Variants in WDR25 observed in about 807,000 individuals in gnomAD.
The protein encoded by WDR25 is WD repeat-containing protein 25.
WDR25 carries 35 observed loss-of-function variants against 47.7 expected under a neutral mutation model. The ratio of observed to expected loss-of-function variants is 0.73; its 90% CI spans 0.56 to 0.97. The LOEUF is 0.97. Among genes scored for constraint, WDR25 ranks in the 50% least tolerant of loss-of-function variants. The pLI is 0.00. For missense variants in WDR25, 634 were observed against 704.7 expected, an observed-to-expected ratio of 0.90 and a Z score of 1.14; for synonymous variants, 248 against 278.9, an observed-to-expected ratio of 0.89 and a Z score of 1.10.
At position 100,425,807 on chromosome 14, in the gene WDR25, G is replaced by T. The variant is rs1331993804; in HGVS notation, c.823-42214G>T. On this transcript the variant is annotated intron_variant, in intron 2 of 6. Transcript: ENST00000402312. The surrounding 1 kb of genome is among the most constrained non-coding windows in gnomAD (Gnocchi z 4.8). ...TCTGGCATGTGATGACCTAGGGACA[G>T]AATTAAAGCAATTTCAGCTTGGTTT... Among the ~76,000 whole-genome samples, 1 of 152,232 alleles carries T rather than the reference G, an allele frequency of 6.6e-6. No homozygotes were observed. The highest frequency in any genetic ancestry group is 1.5e-5 in the Non-Finnish European group (1 of 68,040).
chr14:100,516,447 TAAAG>T (rs371202673), intron 4 of WDR25, among the ~76,000 whole-genome samples: 221 of 152,372 alleles, frequency 1.5e-3, no homozygotes, highest in African/African-American at 5.0e-3. Context: ...TTACTTATTA[TAAAG>T]AAAGGAGTGT....
At chr14:100,397,489 G>A (rs986089165) in intron 2 of WDR25, among the ~76,000 whole-genome samples, 2 of 152,204 alleles carry the variant, frequency 1.3e-5, no homozygotes, top group African/African-American at 4.8e-5. Flanking sequence ...ATGGGAGTGT[G>A]ATACAGAGAT....
chr14:100,527,501 C>G (rs1285564619), intron 5 of WDR25, among the ~76,000 whole-genome samples: 1 of 152,240 alleles, frequency 6.6e-6, no homozygotes, highest in African/African-American at 2.4e-5. Flanking sequence ...TCCTCCCTGC[C>G]TTTTCCTTGT....
Position 100,502,816 on chromosome 14 carries a change from A to T in WDR25, c.1101+18692A>T, listed in dbSNP as rs965637063. Among the ~76,000 whole-genome samples, 1 of 152,158 alleles carries T rather than the reference A, an allele frequency of 6.6e-6. No homozygotes were observed. The highest frequency in any genetic ancestry group is 1.5e-5 in the Non-Finnish European group (1 of 68,028). ...CAGAGGGTTTCAAAGGATACATAGG[A>T]GTTTTCTAGGCAGCAAGTCAAGGTA... On this transcript the variant is annotated intron_variant, in intron 4 of 6. Coordinates refer to ENST00000402312, the MANE Select transcript of WDR25 (RefSeq NM_001161476.3). This position sits in a 1 kb window ranked among gnomAD's most constrained non-coding sequence, Gnocchi z 4.5.
chr14:100,465,441 T>C (rs955775090), intron 2 of WDR25, among the ~76,000 whole-genome samples: 3 of 152,220 alleles, frequency 2.0e-5, no homozygotes, highest in African/African-American at 7.2e-5. Context: ...GTACCTCATA[T>C]AAGTGCAGTT....
At chr14:100,402,496 G>T (rs1293376647) in intron 2 of WDR25, among the ~76,000 whole-genome samples, 1 of 152,200 alleles carries the variant, frequency 6.6e-6, no homozygotes, top group Non-Finnish European at 1.5e-5. Flanking sequence ...GGACATGGGG[G>T]TGGACAGAGT....
chr14:100,477,091 G>A (rs181943790), intron 3 of WDR25, among the ~76,000 whole-genome samples: 11 of 152,228 alleles, frequency 7.2e-5, no homozygotes, highest in Admixed American at 6.5e-4. Context: ...GTGCTGCCCC[G>A]GCCACATGGT....
In WDR25 at chr14:100,391,041, A is replaced by G. The variant is rs1351976875; in HGVS notation, c.822+9295A>G. On this transcript the variant is annotated intron_variant, in intron 2 of 6. Coordinates refer to ENST00000402312, the MANE Select transcript of WDR25 (RefSeq NM_001161476.3). ...TCTGGGCAATTTACGTACTTACAAT[A>G]TTGACCTTTCATCATATTTTACCCT... Among the ~76,000 whole-genome samples, 5 of 152,144 alleles carry G rather than the reference A, an allele frequency of 3.3e-5. No individual in the cohort carries two copies. In the East Asian group the frequency reaches 9.7e-4, roughly 29 times the overall value.
chr14:100,397,325 C>T (rs1288378688), intron 2 of WDR25, among the ~76,000 whole-genome samples: 1 of 152,156 alleles, frequency 6.6e-6, no homozygotes, highest in Non-Finnish European at 1.5e-5. Flanking sequence ...TTTAAAAGGG[C>T]TTACTTCCTT....
rs1175408730 is a variant in WDR25 at position 100,430,421 on chromosome 14, A to C, written c.823-37600A>C. Among the ~76,000 whole-genome samples the C allele has an allele frequency of 6.6e-6, 1 of 152,196 alleles. No homozygotes were observed. Among genetic ancestry groups the C allele is most frequent in the Non-Finnish European group, 1.5e-5 (1 of 68,030 alleles). ...CGAAATTCCTAGTCTGTTTATTCAT[A>C]ATAATACCTTATAGCTGAGTAATGA... is the stretch of plus-strand genomic sequence containing the variant. On this transcript the variant is annotated intron_variant, in intron 2 of 6. Coordinates refer to ENST00000402312, the MANE Select transcript of WDR25 (RefSeq NM_001161476.3). This position sits in a 1 kb window ranked among gnomAD's most constrained non-coding sequence, Gnocchi z 4.7.
At chr14:100,401,166 G>T (rs762736601) in intron 2 of WDR25, among the ~76,000 whole-genome samples, 65 of 152,258 alleles carry the variant, frequency 4.3e-4, no homozygotes, top group Admixed American at 1.2e-3. Context: ...CCTCCGGGGC[G>T]CGTCGGCGGC....
rs1898226720 is a variant in WDR25 at position 100,428,255 on chromosome 14, C to T, written c.823-39766C>T. On this transcript the variant is annotated intron_variant, in intron 2 of 6. Transcript: ENST00000402312. The surrounding 1 kb of genome is among the most constrained non-coding windows in gnomAD (Gnocchi z 4.3). ...GCTGTGCCTCAGCCTATCTTGGGTC[C>T]CCCTCTGCCTACAGGCAGTGAGTGT... Among the ~76,000 whole-genome samples the T allele has an allele frequency of 6.6e-6, 1 of 152,212 alleles. No individual in the cohort carries two copies. Among genetic ancestry groups the T allele is most frequent in the South Asian group, 2.1e-4 (1 of 4,830 alleles).
chr14:100,468,021 G>A lies in WDR25; in HGVS notation c.823G>A (p.Val275Ile). Residue 275 changes from valine to isoleucine, a missense_variant and splice_region_variant, in exon 3 of 7, where the codon GTA becomes ATA. Coordinates refer to ENST00000402312, the MANE Select transcript of WDR25 (RefSeq NM_001161476.3). This position sits in a 1 kb window ranked among gnomAD's most constrained non-coding sequence, Gnocchi z 4.5. The stretch of plus-strand genomic sequence containing the variant: ...TGGTGCTGTCTGTGTTTGCCTGCAG[G>A]TATGGAACGCCGTGGACTCCGGGCA... ...LSTSMDKTFK[V>I]WNAVDSGHCL... The A allele has an allele frequency of 6.2e-7, 1 of 1,612,638 alleles. No homozygotes were observed. The highest frequency in any genetic ancestry group is 8.5e-7 in the Non-Finnish European group (1 of 1,180,008).
chr14:100,418,663 C>T (rs1467537657), intron 2 of WDR25, among the ~76,000 whole-genome samples: 5 of 150,464 alleles, frequency 3.3e-5, no homozygotes, highest in Non-Finnish European at 7.4e-5. Context: ...GAAAAATTTG[C>T]ACAACAGCAC....
intron 2 of WDR25, among the ~76,000 whole-genome samples, chr14:100,387,922 C>G (rs529931245): frequency 8.5e-4 from 130 of 152,334 alleles, no homozygotes; most frequent in South Asian, 1.5e-3. Context: ...TTATGTATCA[C>G]AGGATCCTGT....
chr14:100,451,389 G>T (rs576520014), intron 2 of WDR25, among the ~76,000 whole-genome samples: 40 of 152,050 alleles, frequency 2.6e-4, no homozygotes, highest in African/African-American at 9.6e-4. Flanking sequence ...CTAGAGTTGT[G>T]TGCCACCGTA....
intron 2 of WDR25, among the ~76,000 whole-genome samples, chr14:100,443,017 G>A (rs534411532): frequency 2.0e-5 from 3 of 152,244 alleles, no homozygotes; most frequent in African/African-American, 4.8e-5. Context: ...CGCACTGCTC[G>A]GCAGGCCCCA....
chr14:100,395,334 C>T (rs1355165444), intron 2 of WDR25, among the ~76,000 whole-genome samples: 18 of 152,206 alleles, frequency 1.2e-4, no homozygotes, highest in Admixed American at 1.2e-3. Context: ...ATAACAGCAT[C>T]CACCTCAGTC....
At chr14:100,423,202 T>C (rs1030070227) in intron 2 of WDR25, among the ~76,000 whole-genome samples, 12 of 152,232 alleles carry the variant, frequency 7.9e-5, no homozygotes, top group African/African-American at 2.9e-4. Flanking sequence ...TGTGTCTCTC[T>C]TCCAGCTCTT....
Sources: allele counts gnomAD v4.1 joint callset (sites outside exome capture counted in the v4.1 genomes callset), GRCh38; gene constraint gnomAD v4.1.1; non-coding constraint Gnocchi (gnomAD v3.1); transcripts MANE v1.5; gene names NCBI Gene and HGNC (gene_info 2026-07-23, HGNC 2026-07-21).